The following SHMT1 variants were observed in gnomAD, a reference collection of about 807,000 sequenced individuals.
The protein encoded by SHMT1 is serine hydroxymethyltransferase, cytosolic.
In SHMT1, 45 loss-of-function variants were observed where a neutral mutation model predicts 49.0. The ratio of observed to expected loss-of-function variants is 0.92; its 90% CI spans 0.72 to 1.18. The LOEUF is 1.18. SHMT1 is among the 50% of genes most tolerant of loss of function. SHMT1 has a pLI of 0.00. For missense variants in SHMT1, 541 were observed against 612.4 expected, an observed-to-expected ratio of 0.88 and a Z score of 1.23; for synonymous variants, 232 against 246.6, an observed-to-expected ratio of 0.94 and a Z score of 0.55.
intron 4 of SHMT1, 107 bp downstream of exon 4, chr17:18,348,218 C>T: frequency 1.2e-6 from 1 of 820,418 alleles, no homozygotes; most frequent in Non-Finnish European, 2.1e-6. Flanking sequence ...CTGGGCCCGG[C>T]CTATGGCAGT....
intron 1 of SHMT1, among the ~76,000 whole-genome samples, chr17:18,360,213 C>A (rs1245692144): frequency 6.6e-6 from 1 of 152,014 alleles, no homozygotes; most frequent in East Asian, 1.9e-4. Context: ...CATACCATTG[C>A]ACTCCAGCCT....
Position 18,348,360 on chromosome 17 carries a change from G to C in SHMT1, c.323C>G (p.Pro108Arg). Reference sequence around the variant, plus strand: ...CTGGACGTTGACCCCCCAGCACTGTGGGTCCAGCTTATAGGCCTGCAGGGC... The same window carrying C: ...CTGGACGTTGACCCCCCAGCACTGTCGGTCCAGCTTATAGGCCTGCAGGGC... ...KRALQAYKLD[P>R]QCWGVNVQPY... Residue 108 changes from proline to arginine, a missense_variant, in exon 4 of 12, where the codon CCA becomes CGA. Coordinates refer to ENST00000316694, the MANE Select transcript of SHMT1 (RefSeq NM_004169.5). 6.2e-7 allele frequency: 1 copy of C among 1,613,798 alleles called. No homozygotes were observed. Among genetic ancestry groups the C allele is most frequent in the Admixed American group, 1.7e-5 (1 of 60,016 alleles).
chr17:18,356,397 G>A (rs879636521), intron 1 of SHMT1, among the ~76,000 whole-genome samples: 10 of 151,638 alleles, frequency 6.6e-5, no homozygotes, highest in African/African-American at 1.9e-4. Context: ...AGGCAATGGC[G>A]TGATCTTGGC....
At chr17:18,344,065 GA>G (rs1284784082) in intron 5 of SHMT1, among the ~76,000 whole-genome samples, 1 of 152,084 alleles carries the variant, frequency 6.6e-6, no homozygotes, top group Non-Finnish European at 1.5e-5. Context: ...TGAAGGCCCT[GA>G]CCCAACCTTC....
chr17:18,338,904 A>G (rs1984154519), intron 7 of SHMT1, among the ~76,000 whole-genome samples: 1 of 152,106 alleles, frequency 6.6e-6, no homozygotes, highest in African/African-American at 2.4e-5. Context: ...GGACACAAAC[A>G]CTGCGGAAAG....
intron 5 of SHMT1, among the ~76,000 whole-genome samples, chr17:18,345,803 C>G (rs1985028723): frequency 6.6e-6 from 1 of 152,016 alleles, no homozygotes; most frequent in African/African-American, 2.4e-5. Context: ...TCCTCAGCCT[C>G]CTGAGTAGCT....
Position 18,333,240 on chromosome 17 carries a change from T to TAAAAG in SHMT1, c.979_980insCTTTT (p.Tyr327SerfsTer18), listed in dbSNP as rs865866988. On this transcript the variant is annotated frameshift_variant, in exon 9 of 12. Coordinates refer to ENST00000316694, the MANE Select transcript of SHMT1 (RefSeq NM_004169.5). LOFTEE classifies it high-confidence loss of function. ...GCAGTTGGCCACCACCTGGTGTTGA[T>TAAAAG]AAACTTTAAATTCCAGAGTCATAGC... The TAAAAG allele has an allele frequency of 1.9e-6, 3 of 1,613,888 alleles. No individual in the cohort carries two copies. The highest frequency in any genetic ancestry group is 2.5e-6 in the Non-Finnish European group (3 of 1,179,952).
rs187645139 is a variant in SHMT1, at chr17:18,329,401, C to T, written c.1172-13G>A. 103 of 1,600,492 alleles carry T rather than the reference C, an allele frequency of 6.4e-5. No homozygotes were observed. In the African/African-American group the frequency reaches 8.3e-4, roughly 13 times the overall value. ...GCGCTTCTGTCACCTACAAGATAAA[C>T]GGGGCTCTGTCCCTAAGTCACATTG... On this transcript the variant is annotated splice_polypyrimidine_tract_variant and intron_variant, in intron 10 of 11. Transcript: ENST00000316694.
intron 1 of SHMT1, among the ~76,000 whole-genome samples, chr17:18,362,646 C>A (rs1320659412): frequency 6.6e-6 from 1 of 152,148 alleles, no homozygotes; most frequent in Non-Finnish European, 1.5e-5. Context: ...TCTGCAAGAA[C>A]CTAAACTGGT....
At position 18,340,998 on chromosome 17, in the gene SHMT1, C is replaced by G; in HGVS notation, c.520-185G>C. The G allele has an allele frequency of 3.1e-6, 2 of 636,886 alleles. No individual in the cohort carries two copies. Among genetic ancestry groups the G allele is most frequent in the Non-Finnish European group, 5.7e-6 (2 of 348,272 alleles). 39.5% of individuals were successfully genotyped at this position (636,886 alleles called of 1,614,324 possible). The stretch of plus-strand genomic sequence containing the variant: ...CTCAACCAAGTATGGCTCACAGACC[C>G]AGGAGTCCCTGAGGAGTCCCAGGGT... On this transcript the variant is annotated intron_variant, in intron 5 of 11. Coordinates refer to ENST00000316694, the MANE Select transcript of SHMT1 (RefSeq NM_004169.5). The surrounding 1 kb of genome is among the most constrained non-coding windows in gnomAD (Gnocchi z 4.5).
At chr17:18,345,428 C>T (rs1018868324) in intron 5 of SHMT1, among the ~76,000 whole-genome samples, 2 of 151,712 alleles carry the variant, frequency 1.3e-5, no homozygotes, top group Non-Finnish European at 2.9e-5. Flanking sequence ...CAGTTAATTT[C>T]TGTATTTTTA....
chr17:18,338,771 T>C (rs1271586939), intron 7 of SHMT1, among the ~76,000 whole-genome samples: 1 of 152,170 alleles, frequency 6.6e-6, no homozygotes, highest in Non-Finnish European at 1.5e-5. Context: ...CTCTGAAACA[T>C]GTGCTGTGTC....
At chr17:18,355,789 C>T in intron 2 of SHMT1, 97 bp downstream of exon 2, 1 of 781,042 alleles carries the variant, frequency 1.3e-6, no homozygotes, top group South Asian at 1.4e-5. Flanking sequence ...GGATAATACT[C>T]ATTTCAAGGC....
intron 1 of SHMT1, among the ~76,000 whole-genome samples, 188 bp from the exon 2 acceptor site, chr17:18,356,188 G>A (rs1305820743): frequency 3.9e-5 from 6 of 151,938 alleles, no homozygotes; most frequent in Non-Finnish European, 8.8e-5. Context: ...GACTACAGGC[G>A]CATGCCACCA....
intron 8 of SHMT1, among the ~76,000 whole-genome samples, chr17:18,334,714 G>C (rs532695448): frequency 6.6e-6 from 1 of 152,296 alleles, no homozygotes; most frequent in Admixed American, 6.5e-5. Context: ...CCACGGGCCT[G>C]CATCCCGCAC....
At chr17:18,354,468 C>T (rs897986752) in intron 2 of SHMT1, among the ~76,000 whole-genome samples, 4 of 150,556 alleles carry the variant, frequency 2.7e-5, no homozygotes, top group African/African-American at 4.9e-5. Flanking sequence ...TGGTGGCAGG[C>T]GCCTATAATC....
chr17:18,343,554 GCTGAGATCGTGCCA>G (rs1381379998), intron 5 of SHMT1, among the ~76,000 whole-genome samples: 2 of 144,888 alleles, frequency 1.4e-5, no homozygotes, highest in Non-Finnish European at 3.0e-5. Flanking sequence ...GTTGCAGTAA[GCTGAGATCGTGCCA>G]CTGCACTCCA....
chr17:18,340,316 TCA>T lies in SHMT1; in HGVS notation c.602-63_602-62del. The T allele has an allele frequency of 6.5e-7, 1 of 1,537,400 alleles. No individual in the cohort carries two copies. Among genetic ancestry groups the T allele is most frequent in the South Asian group, 1.1e-5 (1 of 89,462 alleles). On this transcript the variant is annotated intron_variant, in intron 6 of 11. Transcript: ENST00000316694. The surrounding 1 kb of genome is among the most constrained non-coding windows in gnomAD (Gnocchi z 4.5). ...TGTCCACCGGCCAGCTGAGTTGGCTTCACAGTGGCCTCTAGATGTGCAGATCT... is the reference window on the plus strand; with the variant it reads ...TGTCCACCGGCCAGCTGAGTTGGCTTCAGTGGCCTCTAGATGTGCAGATCT...
At chr17:18,348,195 C>T (rs1490237729) in intron 4 of SHMT1, 130 bp downstream of exon 4, 1 of 724,902 alleles carries the variant, frequency 1.4e-6, no homozygotes, top group Non-Finnish European at 2.5e-6. Context: ...GCTGGGATTA[C>T]AGGCGTGAGC....
Sources: gnomAD v4.1 joint callset for allele counts (sites outside exome capture counted in the v4.1 genomes callset) on GRCh38, gnomAD v4.1.1 for gene constraint, Gnocchi (gnomAD v3.1) non-coding constraint, MANE v1.5 for transcripts, NCBI Gene and HGNC (gene_info 2026-07-23, HGNC 2026-07-21) for gene names.